Variants in TYW1B observed in about 807,000 individuals in gnomAD.
TYW1B encodes the protein S-adenosyl-L-methionine-dependent tRNA 4-demethylwyosine synthase TYW1B.
Under a neutral mutation model 86.9 loss-of-function variants are expected in TYW1B, and 73 were observed. The ratio of observed to expected loss-of-function variants is 0.84; its 90% CI spans 0.70 to 1.02. The LOEUF is 1.02. Ranked by LOEUF, TYW1B falls within the 50% of genes least tolerant of loss-of-function variation. TYW1B has a pLI of 0.00. For synonymous variants in TYW1B, 248 were observed against 292.8 expected, an observed-to-expected ratio of 0.85 and a Z score of 1.56; for missense variants, 637 against 827.4, an observed-to-expected ratio of 0.77 and a Z score of 2.82.
chr7:72,612,908 C>T (rs1554436196), intron 13 of TYW1B, among the ~76,000 whole-genome samples: 1 of 151,996 alleles, frequency 6.6e-6, no homozygotes, highest in African/African-American at 2.4e-5. Context: ...TGCCATCACA[C>T]CCAGGAAATT....
At chr7:72,726,138 T>A (rs1180443261) in intron 9 of TYW1B, among the ~76,000 whole-genome samples, 1 of 152,112 alleles carries the variant, frequency 6.6e-6, no homozygotes, top group East Asian at 1.9e-4. Context: ...AAAACACTGG[T>A]AAGAGACACT....
chr7:72,677,622 A>C (rs1257536100), intron 11 of TYW1B, among the ~76,000 whole-genome samples: 2 of 152,160 alleles, frequency 1.3e-5, no homozygotes, highest in South Asian at 4.1e-4. Flanking sequence ...GGCCTAGCAG[A>C]AACTTTTTCT....
intron 11 of TYW1B, among the ~76,000 whole-genome samples, chr7:72,689,057 A>T (rs1386578477): frequency 6.6e-6 from 1 of 152,190 alleles, no homozygotes; most frequent in Non-Finnish European, 1.5e-5. Context: ...GCCTGTGGAT[A>T]GGGGTCCCAC....
intron 7 of TYW1B, among the ~76,000 whole-genome samples, chr7:72,775,738 A>G (rs1787943083): frequency 6.6e-6 from 1 of 151,994 alleles, no homozygotes; most frequent in East Asian, 1.9e-4. Flanking sequence ...TAGAAAAAAA[A>G]AAAACAAAAA....
intron 7 of TYW1B, among the ~76,000 whole-genome samples, chr7:72,755,031 AAAG>A (rs1787562542): frequency 6.6e-6 from 1 of 152,176 alleles, no homozygotes; most frequent in Admixed American, 6.6e-5. Context: ...ACTATATTGG[AAAG>A]AAGAAACTTG....
At chr7:72,674,373 T>C (rs1456724388) in intron 11 of TYW1B, among the ~76,000 whole-genome samples, 12 of 152,214 alleles carry the variant, frequency 7.9e-5, no homozygotes, top group African/African-American at 2.9e-4. Context: ...TGATGTCTCC[T>C]TAGAGAAACA....
At position 72,686,931 on chromosome 7, in the gene TYW1B, T is replaced by A. The variant is rs1814020226; in HGVS notation, c.1506+7756A>T. ...TACCTTATGCAATACCCCAAATTAA[T>A]CTCAGATGATTCACAGACCAAATTG... On this transcript the variant is annotated intron_variant, in intron 11 of 13. Coordinates refer to ENST00000620995, the MANE Select transcript of TYW1B (RefSeq NM_001145440.3). Among the ~76,000 whole-genome samples, 3 of 151,952 alleles carry A rather than the reference T, an allele frequency of 2.0e-5. No individual in the cohort carries two copies. In the South Asian group the frequency reaches 6.2e-4, roughly 32 times the overall value.
chr7:72,620,635 C>T (rs1812192247), intron 12 of TYW1B, among the ~76,000 whole-genome samples: 2 of 152,194 alleles, frequency 1.3e-5, no homozygotes, highest in African/African-American at 4.8e-5. Flanking sequence ...TTCATCCTAC[C>T]CTCTAGTCTA....
At chr7:72,576,030 C>T (rs1554428433) in intron 13 of TYW1B, among the ~76,000 whole-genome samples, 1 of 152,208 alleles carries the variant, frequency 6.6e-6, no homozygotes, top group African/African-American at 2.4e-5. Context: ...TACCATGTGA[C>T]TAATTCAAAC....
intron 11 of TYW1B, among the ~76,000 whole-genome samples, chr7:72,657,713 A>G (rs1476136261): frequency 1.3e-5 from 2 of 152,228 alleles, no homozygotes; most frequent in African/African-American, 4.8e-5. Context: ...AAAACTGCTT[A>G]TCAAAAATAC....
intron 11 of TYW1B, among the ~76,000 whole-genome samples, chr7:72,693,427 T>TTTAGA (rs1351137207): frequency 2.0e-5 from 3 of 151,090 alleles, no homozygotes; most frequent in African/African-American, 7.3e-5. Context: ...TTTTTTTTTT[T>TTTAGA]TAGATAGGGG....
chr7:72,699,598 T>C (rs1422861532), intron 10 of TYW1B, among the ~76,000 whole-genome samples: 1 of 152,138 alleles, frequency 6.6e-6, no homozygotes, highest in Non-Finnish European at 1.5e-5. Flanking sequence ...GGAGACATAC[T>C]TACCTCAAAG....
intron 9 of TYW1B, among the ~76,000 whole-genome samples, chr7:72,717,725 T>G (rs1786818707): frequency 6.6e-6 from 1 of 151,910 alleles, no homozygotes; most frequent in Non-Finnish European, 1.5e-5. Context: ...AATACGAAAG[T>G]GTAAGTTACG....
Position 72,701,828 on chromosome 7 carries a change from T to C in TYW1B, c.1371-7006A>G, listed in dbSNP as rs575772738. Among the ~76,000 whole-genome samples, 36 of 152,318 alleles carry C rather than the reference T, an allele frequency of 2.4e-4. 1 individual carries two copies. Among genetic ancestry groups the C allele is most frequent in the African/African-American group, 8.2e-4 (34 of 41,578 alleles). On this transcript the variant is annotated intron_variant, in intron 10 of 13. Coordinates refer to ENST00000620995, the MANE Select transcript of TYW1B (RefSeq NM_001145440.3). ...AGAGATATCCTTAAATGCTTCCAAC[T>C]GGTAAGCCTCCCAGCCTTTGTCAAG...
intron 2 of TYW1B, among the ~76,000 whole-genome samples, chr7:72,822,260 G>A (rs1415391922): frequency 1.3e-5 from 2 of 149,152 alleles, no homozygotes; most frequent in Admixed American, 6.7e-5. Context: ...CACAGAAGAC[G>A]ATCCAAAAGG....
At chr7:72,716,631 C>CTGTTGTTGTTGTTGTTGTTGT (rs138304885) in intron 9 of TYW1B, among the ~76,000 whole-genome samples, 1 of 149,076 alleles carries the variant, frequency 6.7e-6, no homozygotes, top group African/African-American at 2.5e-5. Context: ...GGGGCTGTGG[C>CTGTTGTTGTTGTTGTTGTTGT]TGTTGTTGTT....
At chr7:72,825,421 G>A (rs1554481262) in intron 2 of TYW1B, among the ~76,000 whole-genome samples, 1 of 152,228 alleles carries the variant, frequency 6.6e-6, no homozygotes, top group East Asian at 1.9e-4. Context: ...GCTCACGCCT[G>A]TAATCCCAGC....
chr7:72,633,718 A>G (rs1207842831), intron 11 of TYW1B, among the ~76,000 whole-genome samples: 6 of 151,958 alleles, frequency 3.9e-5, no homozygotes, highest in Admixed American at 3.9e-4. Flanking sequence ...TGTTTATAAA[A>G]TTCACCTATG....
chr7:72,714,995 A>G (rs1472050735), intron 9 of TYW1B, among the ~76,000 whole-genome samples: 3 of 152,216 alleles, frequency 2.0e-5, no homozygotes, highest in Middle Eastern at 3.2e-3. Context: ...AGGCTGGGCA[A>G]TAAGTTTTGT....
Sources: gnomAD v4.1 joint callset for allele counts (sites outside exome capture counted in the v4.1 genomes callset) on GRCh38, gnomAD v4.1.1 for gene constraint, MANE v1.5 for transcripts, NCBI Gene and HGNC (gene_info 2026-07-23, HGNC 2026-07-21) for gene names.